ARHGAP26: variants seen among roughly 807,000 people sequenced by gnomAD.
ARHGAP26 encodes the protein rho GTPase-activating protein 26.
In ARHGAP26, 38 loss-of-function variants were observed where a neutral mutation model predicts 104.8. That is an observed-to-expected ratio of 0.36 (90% CI 0.28 to 0.48). The LOEUF (loss-of-function observed/expected upper bound fraction) is 0.48, where lower values mean the gene tolerates loss of function less well. Among genes scored for constraint, ARHGAP26 ranks in the 20% least tolerant of loss-of-function variants. The pLI is 0.99. For missense variants in ARHGAP26, 704 were observed against 947.9 expected (o/e 0.74, Z 3.38); for synonymous variants, 341 against 340.0 (o/e 1.00, Z -0.03).
Position 143,222,545 on chromosome 5 carries a change from C to A in ARHGAP26, c.*99C>A. ...TTCTCTTTGCCACTGAGAAATGCAG[C>A]GTGACTGACTCTGTTGCTACCTGTC... On this transcript the variant is annotated 3_prime_UTR_variant, in exon 23 of 23. Transcript: ENST00000645722. 1.1e-6 allele frequency: 1 copy of A among 920,886 alleles called. No homozygotes were observed. The highest frequency in any genetic ancestry group is 2.3e-5 in the South Asian group (1 of 43,578). 57.0% of individuals were successfully genotyped at this position (920,886 alleles called of 1,614,324 possible).
intron 11 of ARHGAP26, among the ~76,000 whole-genome samples, chr5:143,005,280 T>C (rs571187624): frequency 6.6e-6 from 1 of 152,374 alleles, no homozygotes; most frequent in Non-Finnish European, 1.5e-5. Flanking sequence ...TGACCTTTTC[T>C]GCTCAAGGCT....
chr5:142,856,535 G>GTAT lies in ARHGAP26; in HGVS notation c.155-16862_155-16860dup, dbSNP rs542192424. 2.3e-3 allele frequency among the ~76,000 whole-genome samples: 353 copies of GTAT among 152,338 alleles called. 3 individuals carry two copies. The highest frequency in any genetic ancestry group is 8.0e-3 in the African/African-American group (333 of 41,568). The stretch of plus-strand genomic sequence containing the variant: ...GCCCAGGCTCCCTAAGGAGGGAGGT[G>GTAT]TATTAGCCTCTTTAGGCTGACATCA... On this transcript the variant is annotated intron_variant, in intron 1 of 22. Coordinates refer to ENST00000645722, the MANE Select transcript of ARHGAP26 (RefSeq NM_001135608.3).
chr5:143,188,064 C>A (rs573178166), intron 20 of ARHGAP26, among the ~76,000 whole-genome samples: 1 of 152,218 alleles, frequency 6.6e-6, no homozygotes, highest in Admixed American at 6.5e-5. Flanking sequence ...TTGACCAAAT[C>A]TCAGATTAGC....
At chr5:142,832,028 T>G (rs1261186330) in intron 1 of ARHGAP26, among the ~76,000 whole-genome samples, 1 of 152,202 alleles carries the variant, frequency 6.6e-6, no homozygotes, top group Non-Finnish European at 1.5e-5. Context: ...CTTGGCTCCC[T>G]GTTGTCTATT....
intron 11 of ARHGAP26, among the ~76,000 whole-genome samples, chr5:142,954,036 C>T (rs186763796): frequency 6.6e-6 from 1 of 152,286 alleles, no homozygotes; most frequent in African/African-American, 2.4e-5. Context: ...ATATATGGCA[C>T]GCAAGTATGC....
At chr5:143,094,565 T>C (rs1193273487) in intron 17 of ARHGAP26, among the ~76,000 whole-genome samples, 1 of 152,262 alleles carries the variant, frequency 6.6e-6, no homozygotes, top group Non-Finnish European at 1.5e-5. Flanking sequence ...TAAAATTTTC[T>C]TTTTAATTCT....
At chr5:143,166,462 T>C (rs1018929258) in intron 20 of ARHGAP26, among the ~76,000 whole-genome samples, 1 of 152,154 alleles carries the variant, frequency 6.6e-6, no homozygotes, top group African/African-American at 2.4e-5. Context: ...TTTAGCTACT[T>C]GGTGTGTTGG....
chr5:142,866,835 A>G (rs190477171), intron 1 of ARHGAP26: 1 of 152,324 alleles, frequency 6.6e-6, no homozygotes, highest in East Asian at 1.9e-4. Flanking sequence ...CGGTGGGCAC[A>G]TCATCCGCCT....
At chr5:143,172,919 C>A in intron 20 of ARHGAP26, 1 of 177,382 alleles carries the variant, frequency 5.6e-6, no homozygotes, top group Non-Finnish European at 1.2e-5. Context: ...AGGCATAGAT[C>A]ATGTTTTATT....
chr5:142,799,786 C>T (rs1470397791), intron 1 of ARHGAP26, among the ~76,000 whole-genome samples: 1 of 152,226 alleles, frequency 6.6e-6, no homozygotes, highest in Non-Finnish European at 1.5e-5. Flanking sequence ...AATAAACTCA[C>T]TCCCATGATT....
intron 1 of ARHGAP26, among the ~76,000 whole-genome samples, chr5:142,777,308 C>G (rs1756520825): frequency 1.3e-5 from 2 of 152,202 alleles, no homozygotes; most frequent in South Asian, 2.1e-4. Context: ...GGGCATCGCT[C>G]TGGGCAGATG....
Position 143,008,267 on chromosome 5 carries a change from T to A in ARHGAP26, c.1108-5813T>A, listed in dbSNP as rs3776367. Reference sequence around the variant, plus strand: ...ACTGAGGTCTAGGGATGATAACTGATGTGCATGTTAGCCAATAAACAGTAA... The same window carrying A: ...ACTGAGGTCTAGGGATGATAACTGAAGTGCATGTTAGCCAATAAACAGTAA... On this transcript the variant is annotated intron_variant, in intron 11 of 22. Coordinates refer to ENST00000645722, the MANE Select transcript of ARHGAP26 (RefSeq NM_001135608.3). Among the ~76,000 whole-genome samples the A allele has an allele frequency of 3.3e-3, 500 of 152,354 alleles. 17 individuals are homozygous for A. In the East Asian group the frequency reaches 0.056, roughly 17 times the overall value.
intron 17 of ARHGAP26, among the ~76,000 whole-genome samples, chr5:143,063,244 T>A (rs958385275): frequency 9.2e-5 from 14 of 152,144 alleles, no homozygotes; most frequent in African/African-American, 3.4e-4. Flanking sequence ...CTTGAATCTG[T>A]CTACTTTTCT....
chr5:143,171,113 A>G (rs1802708874), intron 20 of ARHGAP26, among the ~76,000 whole-genome samples: 1 of 152,214 alleles, frequency 6.6e-6, no homozygotes, highest in East Asian at 1.9e-4. Flanking sequence ...TCCAAGGAGG[A>G]AAAAGAATGG....
rs112461961 is a variant in ARHGAP26, at chr5:143,143,808, G to A, written c.1838-3423G>A. On this transcript the variant is annotated intron_variant, in intron 19 of 22. Transcript: ENST00000645722. ...GGCCAGACAGCATGTCCCTGCCCTC[G>A]GGTAGTTTGCATCCTTAAGGACCAA... Among the ~76,000 whole-genome samples, 1,190 of 152,276 alleles carry A rather than the reference G, an allele frequency of 7.8e-3. 15 individuals carry two copies. Among genetic ancestry groups the A allele is most frequent in the African/African-American group, 0.026 (1,084 of 41,552 alleles).
chr5:143,087,637 T>TTC lies in ARHGAP26; in HGVS notation c.1538+29891_1538+29892insCT, dbSNP rs1491117317. On this transcript the variant is annotated intron_variant, in intron 17 of 22. Coordinates refer to ENST00000645722, the MANE Select transcript of ARHGAP26 (RefSeq NM_001135608.3). Reference sequence around the variant, plus strand: ...TCATCTAATTAACCCTGGCCCATTCTTTTTTTTTTTTTTTTTTTTTTTTTT... The same window carrying TTC: ...TCATCTAATTAACCCTGGCCCATTCTTCTTTTTTTTTTTTTTTTTTTTTTTTT... Among the ~76,000 whole-genome samples the TTC allele has an allele frequency of 1.9e-3, 98 of 51,260 alleles. 2 individuals are homozygous for TTC. The highest frequency in any genetic ancestry group is 5.6e-3 in the African/African-American group (93 of 16,510). 33.6% of individuals were successfully genotyped at this position (51,260 alleles called of 152,430 possible). A position where few individuals can be genotyped will look rare whatever the true frequency, so the allele number is the denominator to read the frequency against.
intron 1 of ARHGAP26, chr5:142,772,881 C>T (rs1755519499): frequency 1.9e-6 from 1 of 533,420 alleles, no homozygotes; most frequent in Non-Finnish European, 3.8e-6. Context: ...GTTTTCCTAC[C>T]ACTAGTTTTT....
At chr5:143,105,539 C>G (rs965423158) in intron 17 of ARHGAP26, among the ~76,000 whole-genome samples, 1 of 152,064 alleles carries the variant, frequency 6.6e-6, no homozygotes, top group Non-Finnish European at 1.5e-5. Flanking sequence ...GTGTGGGAAT[C>G]ATATGTGGGT....
At chr5:143,205,803 A>C (rs1474984006) in intron 20 of ARHGAP26, among the ~76,000 whole-genome samples, 1 of 152,174 alleles carries the variant, frequency 6.6e-6, no homozygotes, top group African/African-American at 2.4e-5. Context: ...TGCGTGGGTA[A>C]ATGAGACTCA....
Sources: allele counts gnomAD v4.1 joint callset (sites outside exome capture counted in the v4.1 genomes callset), GRCh38; gene constraint gnomAD v4.1.1; transcripts MANE v1.5; gene names NCBI Gene and HGNC (gene_info 2026-07-23, HGNC 2026-07-21).